Variants in USP35 observed in about 807,000 individuals in gnomAD.
USP35 encodes ubiquitin carboxyl-terminal hydrolase 35.
Under a neutral mutation model 83.8 loss-of-function variants are expected in USP35, and 69 were observed. The ratio of observed to expected loss-of-function variants is 0.82; its 90% CI spans 0.68 to 1.01. The LOEUF (loss-of-function observed/expected upper bound fraction) is 1.01. Ranked by LOEUF, USP35 falls within the 50% of genes least tolerant of loss-of-function variation. The probability of loss-of-function intolerance (pLI) is 0.00; values close to 1 mark genes in which losing one functional copy is unlikely to be tolerated. For synonymous variants in USP35, 714 were observed against 589.5 expected (o/e 1.21, Z -3.06); for missense variants, 1,503 against 1,362.5 (o/e 1.10, Z -1.62).
chr11:78,204,169 C>T (rs1351322905), intron 6 of USP35, among the ~76,000 whole-genome samples: 2 of 152,144 alleles, frequency 1.3e-5, no homozygotes, highest in East Asian at 1.9e-4. Context: ...GGATTACAGG[C>T]GTGAGCCACC....
Position 78,210,093 on chromosome 11 carries a change from C to G in USP35, c.2238C>G (p.Ile746Met). Residue 746 changes from isoleucine to methionine, a missense_variant, in exon 10 of 11, where the codon ATC becomes ATG. Ile to Met is a conservative substitution (Grantham distance 10). Coordinates refer to ENST00000529308, the MANE Select transcript of USP35 (RefSeq NM_020798.4). ...CGGGGACCCACCCGGATGCTGCCAT[C>G]CCCTCCGGGGAGCGGACATGTGGCT... ...LGAGTHPDAA[I>M]PSGERTCGSE... 1 of 1,614,050 alleles carries G rather than the reference C, an allele frequency of 6.2e-7. No homozygotes were observed.
chr11:78,201,301 C>G (rs947184453), intron 6 of USP35, among the ~76,000 whole-genome samples: 1 of 152,182 alleles, frequency 6.6e-6, no homozygotes, highest in Non-Finnish European at 1.5e-5. Context: ...AGACTGTGAG[C>G]ACTCCAGACC....
intron 10 of USP35, among the ~76,000 whole-genome samples, chr11:78,212,915 G>T (rs562634079): frequency 2.6e-5 from 4 of 152,058 alleles, no homozygotes; most frequent in South Asian, 2.1e-4. Context: ...CTTCGGGTGT[G>T]GGGGGAGGGG....
Position 78,207,433 on chromosome 11 carries a change from C to T in USP35, c.1392-97C>T, listed in dbSNP as rs1334036742. The T allele has an allele frequency of 1.3e-5, 16 of 1,229,896 alleles. No individual in the cohort carries two copies. In the East Asian group the frequency reaches 3.0e-4, roughly 23 times the overall value. The allele number at this position is 1,229,896 out of a possible 1,614,324, so 76.2% of individuals were successfully genotyped here. ...CTTGGGGCAGAAATGTCTGTTCTGCCTTTGGCCTAGAGGCTCTGGGCTGCC... is the reference window on the plus strand; with the variant it reads ...CTTGGGGCAGAAATGTCTGTTCTGCTTTTGGCCTAGAGGCTCTGGGCTGCC... On this transcript the variant is annotated intron_variant, in intron 7 of 10. Transcript: ENST00000529308.
chr11:78,226,310 G>A, the USP35 span, among the ~76,000 whole-genome samples: 1 of 152,106 alleles, frequency 6.6e-6, no homozygotes. Context: ...AACTGGTAAG[G>A]GATCTGGGTA....
chr11:78,190,185 G>C (rs1458548793), intron 1 of USP35, among the ~76,000 whole-genome samples: 1 of 152,206 alleles, frequency 6.6e-6, no homozygotes, highest in Non-Finnish European at 1.5e-5. Flanking sequence ...CTTCTTCTCA[G>C]GTCCTAGGAG....
chr11:78,203,887 C>CTT (rs200697593), intron 6 of USP35, among the ~76,000 whole-genome samples: 12,768 of 123,316 alleles, frequency 0.1, 1,229 homozygotes, highest in East Asian at 0.32. Context: ...CCATATTTTT[C>CTT]TTTTCTTTTT....
chr11:78,225,337 A>AT, the USP35 span: 61 of 609,668 alleles, frequency 1.0e-4, no homozygotes, highest in East Asian at 1.5e-3. Flanking sequence ...ATGATAAGGA[A>AT]TTTCTTCGAA....
the USP35 span, among the ~76,000 whole-genome samples, chr11:78,234,491 T>G: frequency 1.3e-5 from 2 of 151,756 alleles, no homozygotes; most frequent in South Asian, 4.1e-4. Flanking sequence ...TATTCCTATA[T>G]GAATGTCAAG....
downstream of USP35, chr11:78,218,516 C>T (rs146957453): frequency 3.7e-3 from 569 of 153,008 alleles, 2 homozygotes; most frequent in Non-Finnish European, 5.8e-3. Context: ...CTCCACCACC[C>T]GAGCTCCAAG....
At chr11:78,206,871 G>A (rs1050580655) in intron 7 of USP35, among the ~76,000 whole-genome samples, 1 of 152,246 alleles carries the variant, frequency 6.6e-6, no homozygotes, top group Non-Finnish European at 1.5e-5. Context: ...GAATGTTCGT[G>A]TAGGGAGGGG....
Position 78,196,555 on chromosome 11 carries a change from G to GTGCAGCTGGGTC in USP35, c.319_330dup (p.Gly107_Leu110dup). On this transcript the variant is annotated inframe_insertion, in exon 2 of 11. Transcript: ENST00000529308. The surrounding 1 kb of genome is among the most constrained non-coding windows in gnomAD (Gnocchi z 4.8). Reference sequence around the variant, plus strand: ...CCCGGGCCCCCGCGCGCTCGCCTGCGTGCAGCTGGGTCTGCAGCTGCTGCC... The same window carrying GTGCAGCTGGGTC: ...CCCGGGCCCCCGCGCGCTCGCCTGCGTGCAGCTGGGTCTGCAGCTGGGTCTGCAGCTGCTGCC... 2 of 1,244,898 alleles carry GTGCAGCTGGGTC rather than the reference G, an allele frequency of 1.6e-6. No homozygotes were observed. The highest frequency in any genetic ancestry group is 2.0e-6 in the Non-Finnish European group (2 of 989,194). The allele number at this position is 1,244,898 out of a possible 1,614,324, so 77.1% of individuals were successfully genotyped here. A position where few individuals can be genotyped will look rare whatever the true frequency, so the allele number is the denominator to read the frequency against.
the USP35 span, among the ~76,000 whole-genome samples, chr11:78,233,434 G>A: frequency 0.16 from 23,773 of 152,004 alleles, 2,368 homozygotes; most frequent in East Asian, 0.4. Context: ...CTATTCATGT[G>A]GTTACTGGAC....
the USP35 span, among the ~76,000 whole-genome samples, chr11:78,233,043 T>G: frequency 6.8e-6 from 1 of 147,640 alleles, no homozygotes; most frequent in Non-Finnish European, 1.5e-5. Flanking sequence ...CTGTTAAGTT[T>G]TTTTTTTTTT....
chr11:78,200,502 C>A, intron 5 of USP35, 148 bp from the exon 6 acceptor site: 1 of 1,215,216 alleles, frequency 8.2e-7, no homozygotes, highest in Non-Finnish European at 1.1e-6. Flanking sequence ...GCCTGCAGAG[C>A]TCAGAGCCCC....
rs1485892040 is a variant in USP35 at position 78,213,997 on chromosome 11, G to A, written c.*184G>A. Reference sequence around the variant, plus strand: ...AAGTAAGACCTAAGTCCCTTTCATTGGGGATCAGTCCCATTAAAACTTTAC... The same window carrying A: ...AAGTAAGACCTAAGTCCCTTTCATTAGGGATCAGTCCCATTAAAACTTTAC... On this transcript the variant is annotated 3_prime_UTR_variant, in exon 11 of 11. Transcript: ENST00000529308. The A allele has an allele frequency of 3.2e-6, 2 of 629,188 alleles. No individual in the cohort carries two copies. Among genetic ancestry groups the A allele is most frequent in the Non-Finnish European group, 4.9e-6 (2 of 410,368 alleles). The allele number at this position is 629,188 out of a possible 1,614,324, so 39.0% of individuals were successfully genotyped here. A position where few individuals can be genotyped will look rare whatever the true frequency, so the allele number is the denominator to read the frequency against.
the USP35 span, among the ~76,000 whole-genome samples, chr11:78,223,932 A>T: frequency 6.6e-6 from 1 of 152,128 alleles, no homozygotes; most frequent in Non-Finnish European, 1.5e-5. Flanking sequence ...AATCCAAAGT[A>T]TTAGCTGGGC....
rs764237916 is a variant in USP35, at chr11:78,209,670, C to T, written c.1815C>T (p.Arg605=). The T allele has an allele frequency of 9.9e-6, 16 of 1,613,916 alleles. No homozygotes were observed. In the East Asian group the frequency reaches 3.1e-4, roughly 31 times the overall value. The change falls in exon 10 of 11, where the codon CGC becomes CGT. Residue 605 remains arginine (R), a synonymous_variant. Coordinates refer to ENST00000529308, the MANE Select transcript of USP35 (RefSeq NM_020798.4). ...CTCTCGCCTTCCCTCCTCCTGAGCG[C>T]TGTCGCCGCCGCCGCCTGGGCTCTG... is the stretch of plus-strand genomic sequence containing the variant. ...DLSLAFPPPE[R]CRRRRLGSVM...
At chr11:78,206,062 C>G (rs1346215630) in intron 7 of USP35, 27 bp downstream of exon 7, 1 of 1,596,406 alleles carries the variant, frequency 6.3e-7, no homozygotes, top group Admixed American at 1.7e-5. Context: ...AATTCCCTGT[C>G]TGCCCTTGCT....
Sources: gnomAD v4.1 joint callset for allele counts (sites outside exome capture counted in the v4.1 genomes callset) on GRCh38, gnomAD v4.1.1 for gene constraint, Gnocchi (gnomAD v3.1) non-coding constraint, MANE v1.5 for transcripts, NCBI Gene and HGNC (gene_info 2026-07-23, HGNC 2026-07-21) for gene names.